Variants in MACROD2 observed in about 807,000 individuals in gnomAD.
MACROD2 encodes the protein mono-ADP ribosylhydrolase 2, also known as ADP-ribose glycohydrolase MACROD2.
Under a neutral mutation model 70.4 loss-of-function variants are expected in MACROD2, and 36 were observed. The ratio of observed to expected loss-of-function variants is 0.51; its 90% CI spans 0.39 to 0.68. The LOEUF (loss-of-function observed/expected upper bound fraction) is 0.68, where lower values mean the gene tolerates loss of function less well. MACROD2 is among the 30% of genes least tolerant of loss of function. MACROD2 has a pLI of 0.00. For missense variants in MACROD2, 496 were observed against 538.4 expected, an observed-to-expected ratio of 0.92 and a Z score of 0.78; for synonymous variants, 172 against 178.8, an observed-to-expected ratio of 0.96 and a Z score of 0.30.
intron 8 of MACROD2, 128 bp downstream of exon 8, chr20:15,499,975 A>T: frequency 1.3e-6 from 1 of 784,140 alleles, no homozygotes; most frequent in Non-Finnish European, 2.1e-6. Flanking sequence ...CTAGCTGACC[A>T]TTCTTCACTT....
intron 3 of MACROD2, among the ~76,000 whole-genome samples, chr20:14,130,357 G>T (rs545179401): frequency 4.8e-4 from 73 of 152,210 alleles, no homozygotes; most frequent in Admixed American, 7.8e-4. Context: ...AGACAAGCCT[G>T]GCCAAGATGG....
At chr20:14,472,973 CT>C (rs2084547381) in intron 3 of MACROD2, among the ~76,000 whole-genome samples, 1 of 151,824 alleles carries the variant, frequency 6.6e-6, no homozygotes. Context: ...TAGATTCGGA[CT>C]TTATAGTCAA....
chr20:14,726,200 G>A (rs2071528143), intron 5 of MACROD2, among the ~76,000 whole-genome samples: 1 of 152,052 alleles, frequency 6.6e-6, no homozygotes, highest in South Asian at 2.1e-4. Flanking sequence ...AAATTTTAAG[G>A]CATATTCCTT....
At chr20:15,127,871 G>A (rs1469512253) in intron 5 of MACROD2, among the ~76,000 whole-genome samples, 1 of 152,036 alleles carries the variant, frequency 6.6e-6, no homozygotes, top group Non-Finnish European at 1.5e-5. Flanking sequence ...ATAATTAGGG[G>A]TCATCTTAGA....
intron 7 of MACROD2, among the ~76,000 whole-genome samples, chr20:15,447,111 C>G (rs189382620): frequency 6.7e-6 from 1 of 149,226 alleles, no homozygotes; most frequent in African/African-American, 2.5e-5. Context: ...AGGAAGTATC[C>G]CAGTGCAGTT....
At chr20:14,876,263 T>G (rs2073549773) in intron 5 of MACROD2, among the ~76,000 whole-genome samples, 1 of 151,192 alleles carries the variant, frequency 6.6e-6, no homozygotes, top group Non-Finnish European at 1.5e-5. Context: ...GGCTGCTTTA[T>G]GTCTTCTTTT....
intron 8 of MACROD2, among the ~76,000 whole-genome samples, chr20:15,592,624 T>C (rs890541338): frequency 2.6e-5 from 4 of 152,196 alleles, no homozygotes; most frequent in African/African-American, 9.7e-5. Flanking sequence ...CTACAGGTGG[T>C]GTGATTCCCT....
intron 8 of MACROD2, among the ~76,000 whole-genome samples, chr20:15,713,118 C>G (rs967752600): frequency 4.6e-5 from 7 of 152,148 alleles, no homozygotes; most frequent in Non-Finnish European, 1.0e-4. Flanking sequence ...AAGAAGAAAG[C>G]CACAGAAAGC....
intron 8 of MACROD2, among the ~76,000 whole-genome samples, chr20:15,851,592 ACT>A (rs1212186299): frequency 2.0e-5 from 3 of 151,708 alleles, no homozygotes; most frequent in Admixed American, 1.3e-4. Context: ...TTCTTTCAAA[ACT>A]CTGTCTTCAA....
intron 5 of MACROD2, among the ~76,000 whole-genome samples, chr20:15,060,706 G>A (rs1379013548): frequency 6.6e-6 from 1 of 152,140 alleles, no homozygotes; most frequent in Admixed American, 6.5e-5. Flanking sequence ...AGTTTCTCTG[G>A]ACATCAAAGT....
Position 15,729,835 on chromosome 20 carries a change from T to TTTTTTTTTTTC in MACROD2, c.646-132900_646-132899insCTTTTTTTTTT, listed in dbSNP as rs1555872090. Among the ~76,000 whole-genome samples, 22 of 127,324 alleles carry TTTTTTTTTTTC rather than the reference T, an allele frequency of 1.7e-4. 1 individual carries two copies. Among genetic ancestry groups the TTTTTTTTTTTC allele is most frequent in the South Asian group, 5.3e-4 (2 of 3,768 alleles). 83.5% of individuals were successfully genotyped at this position (127,324 alleles called of 152,430 possible). ...ACAGCATGCAGTTGGGTCATGCTTT[T>TTTTTTTTTTTC]TTTTTTTTTTTGGATGGAGTTTCAC... On this transcript the variant is annotated intron_variant, in intron 8 of 17. Transcript: ENST00000684519.
intron 8 of MACROD2, among the ~76,000 whole-genome samples, chr20:15,609,821 A>G (rs1490503162): frequency 6.6e-6 from 1 of 152,172 alleles, no homozygotes; most frequent in East Asian, 1.9e-4. Context: ...TGCAGCCACC[A>G]CAAATGTATA....
At chr20:15,650,471 C>T (rs1248969465) in intron 8 of MACROD2, among the ~76,000 whole-genome samples, 1 of 152,176 alleles carries the variant, frequency 6.6e-6, no homozygotes, top group Non-Finnish European at 1.5e-5. Flanking sequence ...TATATTCTTT[C>T]GCTTGGCAAA....
chr20:14,593,841 G>A (rs1462283840), intron 4 of MACROD2, among the ~76,000 whole-genome samples: 1 of 152,012 alleles, frequency 6.6e-6, no homozygotes, highest in Non-Finnish European at 1.5e-5. Context: ...TTTGAAAATT[G>A]TCTTTTACTT....
intron 3 of MACROD2, among the ~76,000 whole-genome samples, chr20:14,123,356 T>C (rs947098253): frequency 4.6e-5 from 7 of 152,218 alleles, no homozygotes; most frequent in African/African-American, 1.2e-4. Flanking sequence ...ATTTCTCAGC[T>C]GCTATGTGGC....
intron 3 of MACROD2, among the ~76,000 whole-genome samples, chr20:14,249,712 G>A (rs1037822279): frequency 6.6e-5 from 10 of 152,070 alleles, no homozygotes; most frequent in Admixed American, 2.0e-4. Context: ...ATCGTACCTT[G>A]TAAAGCTTTT....
At chr20:14,466,718 G>A (rs987702074) in intron 3 of MACROD2, among the ~76,000 whole-genome samples, 2 of 152,074 alleles carry the variant, frequency 1.3e-5, no homozygotes, top group Non-Finnish European at 2.9e-5. Context: ...TTTTGGTGTG[G>A]ATGTCCTTTC....
At chr20:14,704,118 A>G (rs2071239544) in intron 5 of MACROD2, among the ~76,000 whole-genome samples, 1 of 152,158 alleles carries the variant, frequency 6.6e-6, no homozygotes, top group South Asian at 2.1e-4. Flanking sequence ...AATTTTTGGT[A>G]GTATTTTCTT....
intron 8 of MACROD2, among the ~76,000 whole-genome samples, chr20:15,675,436 T>C (rs2050043308): frequency 6.6e-6 from 1 of 152,222 alleles, no homozygotes; most frequent in South Asian, 2.1e-4. Context: ...AATTAAACTA[T>C]TAATCTACTT....
Sources: allele counts gnomAD v4.1 joint callset (sites outside exome capture counted in the v4.1 genomes callset), GRCh38; gene constraint gnomAD v4.1.1; transcripts MANE v1.5; gene names NCBI Gene and HGNC (gene_info 2026-07-23, HGNC 2026-07-21).